The following ZNF341 variants were observed in gnomAD, a reference collection of about 807,000 sequenced individuals.
ZNF341 encodes zinc finger protein 341.
A neutral mutation model predicts 87.7 loss-of-function variants in ZNF341; 52 were observed. The observed-to-expected ratio is 0.59, with a 90% CI of 0.47 to 0.75. The LOEUF (loss-of-function observed/expected upper bound fraction) is 0.75. Ranked by LOEUF, ZNF341 falls within the 30% of genes least tolerant of loss-of-function variation. ZNF341 has a pLI of 0.00. For missense variants in ZNF341, 977 were observed against 1,145.9 expected, an observed-to-expected ratio of 0.85 and a Z score of 2.13; for synonymous variants, 459 against 472.7, an observed-to-expected ratio of 0.97 and a Z score of 0.38.
chr20:33,789,763 T>C (rs2019958509), intron 14 of ZNF341, among the ~76,000 whole-genome samples, 175 bp downstream of exon 14: 1 of 152,174 alleles, frequency 6.6e-6, no homozygotes, highest in Non-Finnish European at 1.5e-5. Context: ...GTTAGGGACT[T>C]AAGGGTGAAC....
In ZNF341 at chr20:33,732,112, C is replaced by G. The variant is rs2122612918; in HGVS notation, c.31+60C>G. The G allele has an allele frequency of 8.8e-7, 1 of 1,137,892 alleles. No individual in the cohort carries two copies. 70.5% of individuals were successfully genotyped at this position (1,137,892 alleles called of 1,614,324 possible). ...CCGCGCTGCGCCCCCTCCCGCCGCG[C>G]CCTCGCAGCGCCCGGCCTAGGGCGC... On this transcript the variant is annotated intron_variant, in intron 1 of 14. Coordinates refer to ENST00000375200, the MANE Select transcript of ZNF341 (RefSeq NM_001282933.2). This position sits in a 1 kb window ranked among gnomAD's most constrained non-coding sequence, Gnocchi z 4.5.
Position 33,755,845 on chromosome 20 carries a change from C to T in ZNF341, c.742-1303C>T, listed in dbSNP as rs144393616. Among the ~76,000 whole-genome samples, 695 of 151,998 alleles carry T rather than the reference C, an allele frequency of 4.6e-3. 4 individuals are homozygous for T. The highest frequency in any genetic ancestry group is 0.014 in the Middle Eastern group (4 of 292). Reference sequence around the variant, plus strand: ...TTGTGCTCAAGTGATCCTCCTTCCTCGGCCTGCCAAAGTGCTGGAATTACA... The same window carrying T: ...TTGTGCTCAAGTGATCCTCCTTCCTTGGCCTGCCAAAGTGCTGGAATTACA... On this transcript the variant is annotated intron_variant, in intron 5 of 14. Coordinates refer to ENST00000375200, the MANE Select transcript of ZNF341 (RefSeq NM_001282933.2).
At chr20:33,767,911 G>A (rs2019442380) in intron 9 of ZNF341, among the ~76,000 whole-genome samples, 1 of 152,140 alleles carries the variant, frequency 6.6e-6, no homozygotes, top group Admixed American at 6.6e-5. Context: ...TAGCTTATGG[G>A]CTTCATCCTC....
At chr20:33,752,476 C>T (rs771333102) in intron 4 of ZNF341, 3 of 542,268 alleles carry the variant, frequency 5.5e-6, no homozygotes, top group Non-Finnish European at 1.1e-5. Flanking sequence ...GGTGTATTCT[C>T]AGGTCACCAC....
intron 10 of ZNF341, among the ~76,000 whole-genome samples, chr20:33,773,781 T>C (rs1351813413): frequency 2.0e-5 from 3 of 152,120 alleles, no homozygotes; most frequent in Admixed American, 6.6e-5. Context: ...TTATACACCA[T>C]GAGAGTTGAT....
intron 2 of ZNF341, among the ~76,000 whole-genome samples, chr20:33,742,568 A>C (rs1389801088): frequency 6.6e-6 from 1 of 151,836 alleles, no homozygotes; most frequent in Non-Finnish European, 1.5e-5. Context: ...CACCCACTTC[A>C]GCTTCCCAAA....
intron 7 of ZNF341, among the ~76,000 whole-genome samples, chr20:33,759,425 C>T (rs1456437148): frequency 9.2e-5 from 14 of 152,290 alleles, no homozygotes; most frequent in Middle Eastern, 6.8e-3. Flanking sequence ...GCTTGGATTA[C>T]AGGCATGCGC....
chr20:33,751,339 T>G (rs978961323), intron 4 of ZNF341, among the ~76,000 whole-genome samples: 1 of 152,096 alleles, frequency 6.6e-6, no homozygotes, highest in Non-Finnish European at 1.5e-5. Flanking sequence ...CAGAGGTAGT[T>G]GTACTCATGG....
At chr20:33,748,812 C>G in intron 3 of ZNF341, 111 bp from the exon 4 acceptor site, 2 of 1,109,136 alleles carry the variant, frequency 1.8e-6, no homozygotes, top group Non-Finnish European at 2.6e-6. Flanking sequence ...GTGCCATGCC[C>G]TCGGCTTACT....
At chr20:33,757,730 T>C (rs1311918889) in intron 6 of ZNF341, among the ~76,000 whole-genome samples, 1 of 152,172 alleles carries the variant, frequency 6.6e-6, no homozygotes, top group Admixed American at 6.5e-5. Flanking sequence ...TTCTCCCAGC[T>C]TCTAGAAGTT....
intron 8 of ZNF341, 138 bp from the exon 9 acceptor site, chr20:33,766,713 C>T (rs1199060172): frequency 3.5e-6 from 3 of 859,464 alleles, no homozygotes; most frequent in African/African-American, 1.7e-5. Flanking sequence ...AGTGTGAGTG[C>T]AGCACCTTAA....
Position 33,791,015 on chromosome 20 carries a change from G to A in ZNF341, c.2063G>A (p.Cys688Tyr). The change falls in exon 15 of 15, where the codon TGC becomes TAC. Residue 688 changes from cysteine (C) to tyrosine (Y), a missense_variant. By Grantham distance (194) the Cys-to-Tyr change is radical (BLOSUM62 -2). Transcript: ENST00000375200. ...SGMKLHKCAL[C>Y]SKSFSRRAHL... ...ATGAAGCTCCACAAATGCGCCCTGT[G>A]CAGCAAGTCCTTCAGCCGCCGTGCC... is the stretch of plus-strand genomic sequence containing the variant. 6.2e-7 allele frequency: 1 copy of A among 1,613,154 alleles called. No homozygotes were observed. Among genetic ancestry groups the A allele is most frequent in the Non-Finnish European group, 8.5e-7 (1 of 1,179,862 alleles).
intron 3 of ZNF341, among the ~76,000 whole-genome samples, chr20:33,746,149 T>C (rs1209970125): frequency 2.6e-5 from 4 of 150,982 alleles, no homozygotes; most frequent in Admixed American, 1.3e-4. Context: ...CAGGATGGTC[T>C]CAATCTCCTG....
rs569450704 is a variant in ZNF341, at chr20:33,753,301, C to T, written c.619C>T (p.Pro207Ser). Residue 207 changes from proline (P) to serine (S), a missense_variant, in exon 5 of 15, where the codon CCT becomes TCT. By Grantham distance (74) the Pro-to-Ser change is moderately conservative. Coordinates refer to ENST00000375200, the MANE Select transcript of ZNF341 (RefSeq NM_001282933.2). ...PPPPPQSLGP[P>S]GRPNPGGNGV... is the part of the protein sequence containing the mutation. Reference sequence around the variant, plus strand: ...ACCTCCACCCCAGAGCCTGGGCCCCCCTGGGCGTCCCAACCCTGGTGGGAA... The same window carrying T: ...ACCTCCACCCCAGAGCCTGGGCCCCTCTGGGCGTCCCAACCCTGGTGGGAA... 3 of 1,611,846 alleles carry T rather than the reference C, an allele frequency of 1.9e-6. No homozygotes were observed. Among genetic ancestry groups the T allele is most frequent in the African/African-American group, 1.3e-5 (1 of 74,914 alleles).
intron 5 of ZNF341, among the ~76,000 whole-genome samples, chr20:33,754,180 T>G (rs1277087355): frequency 1.3e-5 from 2 of 152,190 alleles, no homozygotes; most frequent in East Asian, 3.8e-4. Context: ...ATGCCACCTC[T>G]TGATGGGAGG....
At chr20:33,774,734 G>A (rs2019596692) in intron 10 of ZNF341, among the ~76,000 whole-genome samples, 2 of 152,166 alleles carry the variant, frequency 1.3e-5, no homozygotes, top group African/African-American at 4.8e-5. Flanking sequence ...GTGGGAGGCC[G>A]AGGCAGGCAG....
At chr20:33,763,858 C>T (rs916769049) in intron 8 of ZNF341, among the ~76,000 whole-genome samples, 2 of 151,586 alleles carry the variant, frequency 1.3e-5, no homozygotes, top group African/African-American at 4.8e-5. Context: ...CAGCGCTGCC[C>T]AACAGAAATA....
At chr20:33,745,953 C>T (rs1245785819) in intron 3 of ZNF341, among the ~76,000 whole-genome samples, 3 of 127,274 alleles carry the variant, frequency 2.4e-5, no homozygotes, top group Admixed American at 8.9e-5. Context: ...TTTTTTGAGA[C>T]GGAGTCTTGC....
At chr20:33,758,626 T>A in intron 6 of ZNF341, 90 bp from the exon 7 acceptor site, 1 of 999,678 alleles carries the variant, frequency 1.0e-6, no homozygotes, top group Admixed American at 2.0e-5. Context: ...GTATGGATTG[T>A]CTGGCTCAGA....
Sources: allele counts gnomAD v4.1 joint callset (sites outside exome capture counted in the v4.1 genomes callset), GRCh38; gene constraint gnomAD v4.1.1; non-coding constraint Gnocchi (gnomAD v3.1); transcripts MANE v1.5; gene names NCBI Gene and HGNC (gene_info 2026-07-23, HGNC 2026-07-21).